The following BTNL9 variants were observed in gnomAD, a reference collection of about 807,000 sequenced individuals.
BTNL9 encodes butyrophilin-like protein 9.
In BTNL9, 45 loss-of-function variants were observed where a neutral mutation model predicts 45.8. The observed-to-expected ratio is 0.98, with a 90% confidence interval of 0.77 to 1.26. The LOEUF (loss-of-function observed/expected upper bound fraction) is 1.26, where lower values mean the gene tolerates loss of function less well. BTNL9 is among the 50% of genes most tolerant of loss of function. The pLI, the probability that BTNL9 is intolerant of heterozygous loss-of-function variation, is 0.00. For synonymous variants in BTNL9, 346 were observed against 330.8 expected, an observed-to-expected ratio of 1.05 and a Z score of -0.50; for missense variants, 784 against 729.7, an observed-to-expected ratio of 1.07 and a Z score of -0.86.
Position 181,053,405 on chromosome 5 carries a change from G to T in BTNL9, c.854-64G>T. 6.5e-7 allele frequency: 1 copy of T among 1,537,308 alleles called. No individual in the cohort carries two copies. The highest frequency in any genetic ancestry group is 2.5e-5 in the East Asian group (1 of 40,512). ...GGCGCCTCCCCCCAGGACGCGGCGC[G>T]GGAAGGCGGCCTGGAAGGGGCGGGG... On this transcript the variant is annotated intron_variant, in intron 5 of 10. Transcript: ENST00000327705. This position sits in a 1 kb window ranked among gnomAD's most constrained non-coding sequence, Gnocchi z 6.5.
Position 181,060,159 on chromosome 5 carries a change from G to T in BTNL9, c.*297G>T. Reference sequence around the variant, plus strand: ...GGGCGGTGGGCAAGAAGCCAGCATGGAAGAAAGAAGGGAGAAAACTTTGGT... The same window carrying T: ...GGGCGGTGGGCAAGAAGCCAGCATGTAAGAAAGAAGGGAGAAAACTTTGGT... On this transcript the variant is annotated 3_prime_UTR_variant, in exon 11 of 11. Coordinates refer to ENST00000327705, the MANE Select transcript of BTNL9 (RefSeq NM_152547.5). 1 of 415,654 alleles carries T rather than the reference G, an allele frequency of 2.4e-6. No individual in the cohort carries two copies. Among genetic ancestry groups the T allele is most frequent in the Non-Finnish European group, 4.2e-6 (1 of 235,664 alleles). 25.7% of individuals were successfully genotyped at this position (415,654 alleles called of 1,614,324 possible).
chr5:181,059,313 CG>C lies in BTNL9; in HGVS notation c.1063del (p.Ala355ArgfsTer20). On this transcript the variant is annotated frameshift_variant, in exon 11 of 11. Coordinates refer to ENST00000327705, the MANE Select transcript of BTNL9 (RefSeq NM_152547.5). LOFTEE classifies it low-confidence loss of function (END_TRUNC). ...AGGATGGCAAGAGCGTGTCTTCCCG[CG>C]GGGCGCCGCCAGGCCCGGCGCCTGG... Reference protein sequence around the residue: ...SEDGKSVSSRGAPPGPAPGHP... With the variant: ...SEDGKSVSSRXAPPGPAPGHP... The C allele has an allele frequency of 6.4e-7, 1 of 1,559,132 alleles. No individual in the cohort carries two copies.
In BTNL9 at chr5:181,053,958, C is replaced by G. The variant is rs984922666; in HGVS notation, c.887-281C>G. 7 of 1,526,102 alleles carry G rather than the reference C, an allele frequency of 4.6e-6. No individual in the cohort carries two copies. Among genetic ancestry groups the G allele is most frequent in the Non-Finnish European group, 6.1e-6 (7 of 1,140,510 alleles). 94.5% of individuals were successfully genotyped at this position (1,526,102 alleles called of 1,614,324 possible). ...AGTGTCCGGGGCTTAACGTTTCCGC[C>G]GAGCTAATAGATTTGGGAGGCTCCG... On this transcript the variant is annotated intron_variant, in intron 6 of 10. Transcript: ENST00000327705. This position sits in a 1 kb window ranked among gnomAD's most constrained non-coding sequence, Gnocchi z 6.5.
At chr5:181,046,696 AGCGAGAGAGAGAGG>A (rs1435578970) in intron 2 of BTNL9, among the ~76,000 whole-genome samples, 12 of 148,204 alleles carry the variant, frequency 8.1e-5, no homozygotes, top group African/African-American at 2.4e-4. Flanking sequence ...AGAGAGAGAG[AGCGAGAGAGAGAGG>A]GAGAGAGAGA....
rs111227435 is a variant in BTNL9 at position 181,041,861 on chromosome 5, G to A, written c.-24+1429G>A. Among the ~76,000 whole-genome samples, 621 of 152,288 alleles carry A rather than the reference G, an allele frequency of 4.1e-3. 9 individuals are homozygous for A. The highest frequency in any genetic ancestry group is 0.014 in the African/African-American group (587 of 41,550). ...GCCTAACCTTAGGAAATCCAGAATA[G>A]TATTTGACAGAAATTATGTTTTCAA... On this transcript the variant is annotated intron_variant, in intron 1 of 10. Transcript: ENST00000327705.
At chr5:181,047,253 G>A (rs1377018893) in intron 2 of BTNL9, among the ~76,000 whole-genome samples, 1 of 152,124 alleles carries the variant, frequency 6.6e-6, no homozygotes, top group African/African-American at 2.4e-5. Flanking sequence ...GAGCAGAGAG[G>A]CCCCATGAAG....
Position 181,059,613 on chromosome 5 carries a change from G to C in BTNL9, c.1359G>C (p.Leu453=). 1 of 1,613,488 alleles carries C rather than the reference G, an allele frequency of 6.2e-7. No individual in the cohort carries two copies. Among genetic ancestry groups the C allele is most frequent in the Non-Finnish European group, 8.5e-7 (1 of 1,179,934 alleles). ...CCCCGCGGCGCCTGGGCGTCTTCCT[G>C]GACTACGAGGCCGGAGAGCTGTCCT... ...RVPPRRLGVF[L]DYEAGELSFF... is the part of the protein sequence containing the mutation. Residue 453 remains leucine, a synonymous_variant, in exon 11 of 11, where the codon CTG becomes CTC. Coordinates refer to ENST00000327705, the MANE Select transcript of BTNL9 (RefSeq NM_152547.5).
intron 10 of BTNL9, among the ~76,000 whole-genome samples, chr5:181,058,992 A>G (rs1762019949): frequency 6.6e-6 from 1 of 152,026 alleles, no homozygotes; most frequent in East Asian, 1.9e-4. Context: ...TATCTCTGGT[A>G]TGGAATTCAG....
Position 181,055,657 on chromosome 5 carries a change from T to A in BTNL9, c.928+204T>A. 1.4e-6 allele frequency: 1 copy of A among 700,484 alleles called. No homozygotes were observed. Among genetic ancestry groups the A allele is most frequent in the Admixed American group, 2.2e-5 (1 of 44,840 alleles). 43.4% of individuals were successfully genotyped at this position (700,484 alleles called of 1,614,324 possible). A position where few individuals can be genotyped will look rare whatever the true frequency, so the allele number is the denominator to read the frequency against. On this transcript the variant is annotated intron_variant, in intron 8 of 10. Coordinates refer to ENST00000327705, the MANE Select transcript of BTNL9 (RefSeq NM_152547.5). The surrounding 1 kb of genome is among the most constrained non-coding windows in gnomAD (Gnocchi z 4.4). ...GGCGGCATGTGCCTGTAGTCCCAGCTACATGGGAGGCTGAGGCAGGAGAAG... is the reference window on the plus strand; with the variant it reads ...GGCGGCATGTGCCTGTAGTCCCAGCAACATGGGAGGCTGAGGCAGGAGAAG...
chr5:181,057,923 T>G (rs1761966637), intron 9 of BTNL9, among the ~76,000 whole-genome samples: 1 of 152,174 alleles, frequency 6.6e-6, no homozygotes, highest in African/African-American at 2.4e-5. Context: ...TTGATTCACA[T>G]TAAGAATGGA....
chr5:181,050,035 G>C lies in BTNL9; in HGVS notation c.455-53G>C. 1 of 1,567,310 alleles carries C rather than the reference G, an allele frequency of 6.4e-7. No individual in the cohort carries two copies. The highest frequency in any genetic ancestry group is 8.7e-7 in the Non-Finnish European group (1 of 1,154,446). Reference sequence around the variant, plus strand: ...TGCTGAACAGTGGCAGGAATGTTATGCGTGATTTCTCAGAAGAAGCCTGAC... The same window carrying C: ...TGCTGAACAGTGGCAGGAATGTTATCCGTGATTTCTCAGAAGAAGCCTGAC... On this transcript the variant is annotated intron_variant, in intron 3 of 10. Coordinates refer to ENST00000327705, the MANE Select transcript of BTNL9 (RefSeq NM_152547.5). The surrounding 1 kb of genome is among the most constrained non-coding windows in gnomAD (Gnocchi z 4.9).
At chr5:181,045,802 G>A (rs57799633) in intron 2 of BTNL9, among the ~76,000 whole-genome samples, 1,536 of 57,864 alleles carry the variant, frequency 0.027, 3 homozygotes, top group Middle Eastern at 0.065. Context: ...CCCAGCCCCC[G>A]ACACCTCCTC....
chr5:181,059,656 G>A lies in BTNL9; in HGVS notation c.1402G>A (p.Gly468Ser), dbSNP rs767185436. 69 of 1,613,526 alleles carry A rather than the reference G, an allele frequency of 4.3e-5. No individual in the cohort carries two copies. The highest frequency in any genetic ancestry group is 5.5e-5 in the Non-Finnish European group (65 of 1,179,952). ...GCTGTCCTTCTTCAACGTGTCCGACGGCTCCCACATCTTCACCTTCCACGA... is the reference window on the plus strand; with the variant it reads ...GCTGTCCTTCTTCAACGTGTCCGACAGCTCCCACATCTTCACCTTCCACGA... ...GELSFFNVSD[G>S]SHIFTFHDTF... Residue 468 changes from glycine (G) to serine (S), a missense_variant, in exon 11 of 11, where the codon GGC (glycine) becomes AGC (serine). Gly to Ser is a moderately conservative substitution (Grantham distance 56). Transcript: ENST00000327705.
In BTNL9 at chr5:181,051,353, A is replaced by G. The variant is rs73355286; in HGVS notation, c.736+984A>G. ...TTCACACGAGTCCAAATCAAAAGCT[A>G]TTTTATTATAACAGAAAAAAACTCC... On this transcript the variant is annotated intron_variant, in intron 4 of 10. Transcript: ENST00000327705. Among the ~76,000 whole-genome samples, 818 of 152,260 alleles carry G rather than the reference A, an allele frequency of 5.4e-3. 9 individuals carry two copies. The highest frequency in any genetic ancestry group is 0.019 in the African/African-American group (775 of 41,538).
intron 1 of BTNL9, among the ~76,000 whole-genome samples, chr5:181,041,382 G>C (rs1760768056): frequency 6.6e-6 from 1 of 152,238 alleles, no homozygotes; most frequent in East Asian, 1.9e-4. Flanking sequence ...TTCACCAATA[G>C]AGTAAGTAAG....
chr5:181,045,392 T>A, intron 1 of BTNL9, 75 bp from the exon 2 acceptor site: 1 of 790,164 alleles, frequency 1.3e-6, no homozygotes. Context: ...CACAACAGAC[T>A]TCAGGTCTGA....
At chr5:181,049,812 C>T (rs1462409234) in intron 3 of BTNL9, among the ~76,000 whole-genome samples, 1 of 152,162 alleles carries the variant, frequency 6.6e-6, no homozygotes, top group Admixed American at 6.5e-5. Context: ...CTGTCCCTTG[C>T]CTAACATGAT....
At chr5:181,058,312 A>G in intron 9 of BTNL9, 40 bp from the exon 10 acceptor site, 1 of 1,613,212 alleles carries the variant, frequency 6.2e-7, no homozygotes, top group Non-Finnish European at 8.5e-7. Flanking sequence ...TTACTGACTG[A>G]GATTTCTGAG....
rs1175838721 is a variant in BTNL9 at position 181,042,379 on chromosome 5, C to T, written c.-24+1947C>T. ...TCCTTCCCCAGGCAAAACCTCCTCA[C>T]CAGGAACAACCTGAAATCAATTTAC... On this transcript the variant is annotated intron_variant, in intron 1 of 10. Transcript: ENST00000327705. This position sits in a 1 kb window ranked among gnomAD's most constrained non-coding sequence, Gnocchi z 4.5. 1.3e-5 allele frequency among the ~76,000 whole-genome samples: 2 copies of T among 152,184 alleles called. No homozygotes were observed. The highest frequency in any genetic ancestry group is 4.8e-5 in the African/African-American group (2 of 41,432).
Sources: gnomAD v4.1 joint callset for allele counts (sites outside exome capture counted in the v4.1 genomes callset) on GRCh38, gnomAD v4.1.1 for gene constraint, Gnocchi (gnomAD v3.1) non-coding constraint, MANE v1.5 for transcripts, NCBI Gene and HGNC (gene_info 2026-07-23, HGNC 2026-07-21) for gene names.